The following ARHGAP28 variants were observed in gnomAD, a reference collection of about 807,000 sequenced individuals.
ARHGAP28 encodes the protein rho GTPase-activating protein 28.
ARHGAP28 carries 56 observed loss-of-function variants against 90.7 expected under a neutral mutation model. That is an observed-to-expected ratio of 0.62 (90% CI 0.50 to 0.77). The LOEUF is 0.77. Ranked by LOEUF, ARHGAP28 falls within the 30% of genes least tolerant of loss-of-function variation. The probability of loss-of-function intolerance (pLI) is 0.00; values close to 1 mark genes in which losing one functional copy is unlikely to be tolerated. For synonymous variants in ARHGAP28, 308 were observed against 323.3 expected, an observed-to-expected ratio of 0.95 and a Z score of 0.51; for missense variants, 869 against 900.9, an observed-to-expected ratio of 0.96 and a Z score of 0.45.
rs1190404068 is a variant in ARHGAP28 at position 6,873,789 on chromosome 18, A to G, written c.1212+14A>G. On this transcript the variant is annotated intron_variant, in intron 9 of 17. Coordinates refer to ENST00000383472, the MANE Select transcript of ARHGAP28 (RefSeq NM_001366230.1). The stretch of plus-strand genomic sequence containing the variant: ...GTATTACAAAAAGTGAGTAGCAGGC[A>G]AATGAAAGGGGAATTCACAGAGCCT... 6 of 1,605,946 alleles carry G rather than the reference A, an allele frequency of 3.7e-6. No homozygotes were observed. Among genetic ancestry groups the G allele is most frequent in the Non-Finnish European group, 5.1e-6 (6 of 1,173,426 alleles).
At chr18:6,747,761 T>C (rs890222561) in intron 1 of ARHGAP28, among the ~76,000 whole-genome samples, 2 of 152,190 alleles carry the variant, frequency 1.3e-5, no homozygotes, top group African/African-American at 4.8e-5. Flanking sequence ...CATAAACATA[T>C]GCTGGAATCA....
intron 5 of ARHGAP28, among the ~76,000 whole-genome samples, chr18:6,861,044 A>G (rs1303472923): frequency 6.6e-6 from 1 of 152,242 alleles, no homozygotes. Flanking sequence ...AAACAAAGTC[A>G]GTCATTCACA....
chr18:6,831,879 G>C (rs8094429), intron 2 of ARHGAP28, among the ~76,000 whole-genome samples: 119,044 of 151,946 alleles, frequency 0.78, 46,737 homozygotes, highest in Middle Eastern at 0.81. Flanking sequence ...TGTAAATGCT[G>C]TTTACCAGAT....
chr18:6,905,009 T>C (rs2057357642), intron 16 of ARHGAP28, among the ~76,000 whole-genome samples: 1 of 151,978 alleles, frequency 6.6e-6, no homozygotes, highest in Non-Finnish European at 1.5e-5. Flanking sequence ...AACACTAATC[T>C]AGAACAGTCT....
At chr18:6,883,059 G>A (rs1046883697) in intron 11 of ARHGAP28, among the ~76,000 whole-genome samples, 18 of 152,076 alleles carry the variant, frequency 1.2e-4, no homozygotes, top group Non-Finnish European at 2.6e-4. Context: ...ATATGTATGA[G>A]CATGCTAAGT....
chr18:6,800,422 C>G (rs992156449), intron 1 of ARHGAP28, among the ~76,000 whole-genome samples: 3 of 152,138 alleles, frequency 2.0e-5, no homozygotes, highest in Non-Finnish European at 4.4e-5. Flanking sequence ...ATATTTATTG[C>G]AGCACTGTTC....
At chr18:6,903,456 T>G (rs1266179807) in intron 16 of ARHGAP28, among the ~76,000 whole-genome samples, 1 of 152,188 alleles carries the variant, frequency 6.6e-6, no homozygotes, top group African/African-American at 2.4e-5. Flanking sequence ...AAGTTACACA[T>G]GTACTGTAAT....
At chr18:6,824,398 G>C (rs377385900) in intron 1 of ARHGAP28, among the ~76,000 whole-genome samples, 6 of 151,938 alleles carry the variant, frequency 3.9e-5, no homozygotes, top group African/African-American at 1.5e-4. Flanking sequence ...TTAGCTGGGC[G>C]TGGTGGCGGG....
At chr18:6,820,705 T>C (rs1486491115) in intron 1 of ARHGAP28, among the ~76,000 whole-genome samples, 2 of 152,194 alleles carry the variant, frequency 1.3e-5, no homozygotes, top group African/African-American at 4.8e-5. Context: ...TCAGAATCAA[T>C]AGACTCAACA....
intron 1 of ARHGAP28, among the ~76,000 whole-genome samples, chr18:6,803,594 G>C (rs997184712): frequency 6.6e-6 from 1 of 152,048 alleles, no homozygotes; most frequent in African/African-American, 2.4e-5. Flanking sequence ...TGGCCTCATA[G>C]AATGAGTTAG....
At chr18:6,834,777 G>T (rs1299688031) in intron 2 of ARHGAP28, among the ~76,000 whole-genome samples, 1 of 152,130 alleles carries the variant, frequency 6.6e-6, no homozygotes, top group Non-Finnish European at 1.5e-5. Flanking sequence ...GGCCTTGGGG[G>T]TGTGTTGGAG....
In ARHGAP28 at chr18:6,890,068, CAGA is replaced by C; in HGVS notation, c.1721_1723del (p.Lys574del). 1 of 1,614,106 alleles carries C rather than the reference CAGA, an allele frequency of 6.2e-7. No individual in the cohort carries two copies. Among genetic ancestry groups the C allele is most frequent in the Non-Finnish European group, 8.5e-7 (1 of 1,180,000 alleles). ...CATCATCCGCCTAATGCTTAAGTAC[CAGA>C]AGATTTTGTGGAAGGTGAGTGACAT... On this transcript the variant is annotated inframe_deletion, in exon 13 of 18. Coordinates refer to ENST00000383472, the MANE Select transcript of ARHGAP28 (RefSeq NM_001366230.1).
At chr18:6,757,663 C>G (rs2056122840) in intron 1 of ARHGAP28, among the ~76,000 whole-genome samples, 2 of 152,152 alleles carry the variant, frequency 1.3e-5, no homozygotes, top group Non-Finnish European at 2.9e-5. Context: ...ATTTTGTTAT[C>G]TCTTTCTCCC....
In ARHGAP28 at chr18:6,876,191, T is replaced by A; in HGVS notation, c.1273T>A (p.Cys425Ser). ...ESEGIFRLSG[C>S]TAKVKQYREE... is the part of the protein sequence containing the mutation. ...TGAAGGAATTTTTCGACTTTCAGGA[T>A]GTACTGCTAAAGTCAAGGTACCGAA... The change falls in exon 10 of 18, where the codon TGT becomes AGT. Residue 425 changes from cysteine (C) to serine (S), a missense_variant. Transcript: ENST00000383472. 1 of 1,614,040 alleles carries A rather than the reference T, an allele frequency of 6.2e-7. No individual in the cohort carries two copies. The highest frequency in any genetic ancestry group is 8.5e-7 in the Non-Finnish European group (1 of 1,179,928).
At chr18:6,738,744 T>A (rs988719025) in intron 1 of ARHGAP28, among the ~76,000 whole-genome samples, 1 of 152,110 alleles carries the variant, frequency 6.6e-6, no homozygotes, top group African/African-American at 2.4e-5. Context: ...AAATCTATAT[T>A]TAAGTGGCAA....
intron 1 of ARHGAP28, among the ~76,000 whole-genome samples, chr18:6,794,244 AT>A (rs1706652317): frequency 6.6e-6 from 1 of 152,166 alleles, no homozygotes; most frequent in African/African-American, 2.4e-5. Context: ...AGACTACCAC[AT>A]TTTGTTCTAG....
intron 1 of ARHGAP28, among the ~76,000 whole-genome samples, chr18:6,733,603 G>A (rs2055901828): frequency 6.6e-6 from 1 of 151,920 alleles, no homozygotes; most frequent in Non-Finnish European, 1.5e-5. Context: ...GTCTATTTTG[G>A]CTATTACTTT....
chr18:6,895,616 A>C (rs1402237892), intron 15 of ARHGAP28, among the ~76,000 whole-genome samples: 1 of 152,134 alleles, frequency 6.6e-6, no homozygotes, highest in East Asian at 1.9e-4. Flanking sequence ...CCATCTTCAC[A>C]TGGTGTTCTT....
At chr18:6,810,069 T>TA (rs2056545803) in intron 1 of ARHGAP28, among the ~76,000 whole-genome samples, 1 of 152,194 alleles carries the variant, frequency 6.6e-6, no homozygotes, top group African/African-American at 2.4e-5. Context: ...TCCTTTTTGC[T>TA]ATCAAGCCAA....
Sources: allele counts gnomAD v4.1 joint callset (sites outside exome capture counted in the v4.1 genomes callset), GRCh38; gene constraint gnomAD v4.1.1; transcripts MANE v1.5; gene names NCBI Gene and HGNC (gene_info 2026-07-23, HGNC 2026-07-21).